The following POLR1A variants were observed in gnomAD, a reference collection of about 807,000 sequenced individuals.
POLR1A encodes RNA polymerase I subunit A.
Under a neutral mutation model 205.3 loss-of-function variants are expected in POLR1A, and 84 were observed. The observed-to-expected ratio is 0.41, with a 90% confidence interval of 0.34 to 0.49. POLR1A has a LOEUF of 0.49. POLR1A is among the 20% of genes least tolerant of loss of function. The pLI is 0.22. For synonymous variants in POLR1A, 799 were observed against 863.7 expected, an observed-to-expected ratio of 0.93 and a Z score of 1.31; for missense variants, 1,645 against 2,204.5, an observed-to-expected ratio of 0.75 and a Z score of 5.08.
intron 12 of POLR1A, among the ~76,000 whole-genome samples, chr2:86,074,174 T>G (rs1340391959): frequency 6.6e-6 from 1 of 152,174 alleles, no homozygotes; most frequent in African/African-American, 2.4e-5. Flanking sequence ...AGCATTTCCT[T>G]TTCCTCTCGG....
intron 6 of POLR1A, 141 bp downstream of exon 6, chr2:86,088,423 TGA>T (rs1673542041): frequency 3.4e-6 from 2 of 595,478 alleles, no homozygotes; most frequent in African/African-American, 3.7e-5. Flanking sequence ...CCCTCAGGCC[TGA>T]GAGGCCTGCA....
intron 3 of POLR1A, among the ~76,000 whole-genome samples, chr2:86,095,524 A>G (rs1673687577): frequency 6.6e-6 from 1 of 152,220 alleles, no homozygotes. Flanking sequence ...AACAAAATGA[A>G]ATTTTAAATA....
At chr2:86,095,887 C>G (rs529188632) in intron 3 of POLR1A, among the ~76,000 whole-genome samples, 69 of 152,232 alleles carry the variant, frequency 4.5e-4, no homozygotes, top group Non-Finnish European at 8.1e-4. Flanking sequence ...GCCACCACCC[C>G]CAGCTAATTT....
At chr2:86,073,938 C>T (rs1673227780) in intron 12 of POLR1A, among the ~76,000 whole-genome samples, 1 of 152,242 alleles carries the variant, frequency 6.6e-6, no homozygotes, top group African/African-American at 2.4e-5. Flanking sequence ...ACACCAGGCA[C>T]TTAGGAAAGG....
chr2:86,037,633 T>TCTAG (rs1672524306), intron 27 of POLR1A, among the ~76,000 whole-genome samples: 1 of 152,220 alleles, frequency 6.6e-6, no homozygotes, highest in Admixed American at 6.5e-5. Context: ...CAAGAACTGG[T>TCTAG]CTAGATTAGA....
At chr2:86,050,067 G>A (rs9789563) in intron 16 of POLR1A, among the ~76,000 whole-genome samples, 24,971 of 151,930 alleles carry the variant, frequency 0.16, 4,700 homozygotes, top group African/African-American at 0.45. Context: ...ACAGGTGCAC[G>A]CCACCACACC....
At chr2:86,054,794 G>A (rs1367049690) in intron 14 of POLR1A, among the ~76,000 whole-genome samples, 6 of 152,208 alleles carry the variant, frequency 3.9e-5, no homozygotes, top group South Asian at 2.1e-4. Flanking sequence ...TTTCTCAAGC[G>A]GCTGCTCTGC....
chr2:86,033,650 G>C lies in POLR1A; in HGVS notation c.4161+11C>G, dbSNP rs763252395. Reference sequence around the variant, plus strand: ...CTGTGCAACTCTAGTGACCCCCGGGGACTCACTCACCCGACTCCTCCCCAA... The same window carrying C: ...CTGTGCAACTCTAGTGACCCCCGGGCACTCACTCACCCGACTCCTCCCCAA... On this transcript the variant is annotated intron_variant, in intron 28 of 33. Transcript: ENST00000263857. 6.2e-7 allele frequency: 1 copy of C among 1,612,276 alleles called. No individual in the cohort carries two copies.
chr2:86,051,365 C>CT (rs199606800), intron 16 of POLR1A, among the ~76,000 whole-genome samples: 6,006 of 145,762 alleles, frequency 0.041, 256 homozygotes, highest in East Asian at 0.24. Context: ...TTCATGTATG[C>CT]TTTTTTTTTT....
In POLR1A at chr2:86,031,548, C is replaced by G; in HGVS notation, c.4360G>C (p.Glu1454Gln). 1 of 1,614,196 alleles carries G rather than the reference C, an allele frequency of 6.2e-7. No individual in the cohort carries two copies. Among genetic ancestry groups the G allele is most frequent in the Non-Finnish European group, 8.5e-7 (1 of 1,180,026 alleles). Residue 1454 changes from glutamate to glutamine, a missense_variant, in exon 30 of 34, where the codon GAA becomes CAA. Transcript: ENST00000263857. ...TGCTCTTGGGTCTTTCGAGCACCTT[C>G]CCTGTGGGGATTTCGTTCCTCCTGC... is the stretch of plus-strand genomic sequence containing the variant. ...DMQEERNPHR[E>Q]GARKTQEQDE...
intron 16 of POLR1A, among the ~76,000 whole-genome samples, chr2:86,051,613 C>T (rs1672804497): frequency 6.6e-6 from 1 of 152,250 alleles, no homozygotes; most frequent in Admixed American, 6.5e-5. Context: ...CACGCAGCAT[C>T]TCGCGTCCCC....
Position 86,022,123 on chromosome 2 carries a change from G to A in POLR1A, c.*5300C>T, listed in dbSNP as rs1690155744. 1 of 152,270 alleles carries A rather than the reference G, an allele frequency of 6.6e-6. No individual in the cohort carries two copies. Among genetic ancestry groups the A allele is most frequent in the Non-Finnish European group, 1.5e-5 (1 of 68,078 alleles). The allele number at this position is 152,270 out of a possible 1,614,324, so 9.4% of individuals were successfully genotyped here. ...AAACCTCTCATGGAGCTGCTTGTAG[G>A]AAACGCTGGCTGGCTGAGTTCCCTC... On this transcript the variant is annotated 3_prime_UTR_variant, in exon 34 of 34. Transcript: ENST00000263857.
At chr2:86,080,005 G>A (rs12328100) in intron 9 of POLR1A, among the ~76,000 whole-genome samples, 52,874 of 151,988 alleles carry the variant, frequency 0.35, 11,435 homozygotes, top group Non-Finnish European at 0.48. Context: ...AATGCGGGCC[G>A]ATCAGGAAAC....
rs192945391 is a variant in POLR1A, at chr2:86,103,178, G to A, written c.77+2522C>T. 8.5e-5 allele frequency among the ~76,000 whole-genome samples: 13 copies of A among 152,318 alleles called. No homozygotes were observed. The East Asian group carries it at 2.5e-3, about 29-fold the overall frequency. On this transcript the variant is annotated intron_variant, in intron 1 of 33. Coordinates refer to ENST00000263857, the MANE Select transcript of POLR1A (RefSeq NM_015425.6). ...TGCAGGGAAAGGGAAGAGCAGAGTAGGCAAGTGGTCCTAGAAGCCCACTAA... is the reference window on the plus strand; with the variant it reads ...TGCAGGGAAAGGGAAGAGCAGAGTAAGCAAGTGGTCCTAGAAGCCCACTAA...
chr2:86,094,609 C>A (rs887108163), intron 3 of POLR1A, among the ~76,000 whole-genome samples: 3 of 152,298 alleles, frequency 2.0e-5, no homozygotes, highest in South Asian at 4.1e-4. Context: ...AGGGACAGGG[C>A]CAGGGGAAAA....
intron 31 of POLR1A, among the ~76,000 whole-genome samples, chr2:86,029,485 C>T (rs143921673): frequency 1.3e-5 from 2 of 152,182 alleles, no homozygotes; most frequent in Admixed American, 6.5e-5. Context: ...GACAGGAATG[C>T]CAGGGCACCT....
At chr2:86,048,815 C>T in intron 18 of POLR1A, 69 bp downstream of exon 18, 1 of 1,443,216 alleles carries the variant, frequency 6.9e-7, no homozygotes, top group Non-Finnish European at 9.6e-7. Flanking sequence ...AGGTGAGAAT[C>T]AAAATGTAAT....
Position 86,028,134 on chromosome 2 carries a change from C to A in POLR1A, c.4898-85G>T. 7.8e-7 allele frequency: 1 copy of A among 1,285,440 alleles called. No individual in the cohort carries two copies. 79.6% of individuals were successfully genotyped at this position (1,285,440 alleles called of 1,614,324 possible). A position where few individuals can be genotyped will look rare whatever the true frequency, so the allele number is the denominator to read the frequency against. The stretch of plus-strand genomic sequence containing the variant: ...GACACAAGCCAAGCTGCCTCCACAT[C>A]AGCACATGGCTTGGGAGTTAGACTC... On this transcript the variant is annotated intron_variant, in intron 32 of 33. Coordinates refer to ENST00000263857, the MANE Select transcript of POLR1A (RefSeq NM_015425.6). The surrounding 1 kb of genome is among the most constrained non-coding windows in gnomAD (Gnocchi z 4.5).
chr2:86,045,628 T>C lies in POLR1A; in HGVS notation c.2875A>G (p.Ile959Val). The C allele has an allele frequency of 4.3e-6, 7 of 1,614,184 alleles. No individual in the cohort carries two copies. The highest frequency in any genetic ancestry group is 5.9e-6 in the Non-Finnish European group (7 of 1,180,028). The change falls in exon 20 of 34, where the codon ATC becomes GTC. Residue 959 changes from isoleucine to valine, a missense_variant. This residue lies in a region of POLR1A where 339 missense variants were observed against 415.1 expected (regional missense o/e 0.82). Transcript: ENST00000263857. ...GFVTGRFLTG[I>V]KPPEFFFHCM... ...ACCAAAATACATACAGGAGGTTTGA[T>C]GCCGGTGAGGAACCTGCCAGTGACA...
Sources: allele counts gnomAD v4.1 joint callset (sites outside exome capture counted in the v4.1 genomes callset), GRCh38; gene constraint gnomAD v4.1.1; regional missense constraint gnomAD v4.1.1; non-coding constraint Gnocchi (gnomAD v3.1); transcripts MANE v1.5; gene names NCBI Gene and HGNC (gene_info 2026-07-23, HGNC 2026-07-21).